Variants in RARS1 observed in about 807,000 individuals in gnomAD.
The protein encoded by RARS1 is arginine--tRNA ligase, cytoplasmic.
Under a neutral mutation model 78.7 loss-of-function variants are expected in RARS1, and 75 were observed. That is an observed-to-expected ratio of 0.95 (90% CI 0.79 to 1.15). The LOEUF (loss-of-function observed/expected upper bound fraction) is 1.15, where lower values mean the gene tolerates loss of function less well. RARS1 is among the 50% of genes most tolerant of loss of function. RARS1 has a pLI of 0.00. For synonymous variants in RARS1, 273 were observed against 268.2 expected (o/e 1.02, Z -0.18); for missense variants, 787 against 787.5 (o/e 1.00, Z 0.01).
At position 168,495,332 on chromosome 5, in the gene RARS1, C is replaced by T. The variant is rs751817243; in HGVS notation, c.597C>T (p.Ser199=). The T allele has an allele frequency of 2.5e-6, 4 of 1,613,646 alleles. No individual in the cohort carries two copies. The highest frequency in any genetic ancestry group is 2.7e-5 in the African/African-American group (2 of 74,914). Residue 199 remains serine, a synonymous_variant, in exon 6 of 15, where the codon TCC becomes TCT. Transcript: ENST00000231572. ...TACCCCAGGTTATAGTTGACTTTTCCTCCCCTAATATAGCTAAAGAGATGC... is the reference window on the plus strand; with the variant it reads ...TACCCCAGGTTATAGTTGACTTTTCTTCCCCTAATATAGCTAAAGAGATGC... ...GENKKVIVDF[S]SPNIAKEMHV...
Position 168,511,195 on chromosome 5 carries a change from A to ATT in RARS1, c.1452+526_1452+527dup, listed in dbSNP as rs112853562. On this transcript the variant is annotated intron_variant, in intron 12 of 14. Transcript: ENST00000231572. Reference sequence around the variant, plus strand: ...AGGAATTGAAAAGTCAACAAGAAAAATTTTTTTTTTTTTTTTTTAAGTTTA... The same window carrying ATT: ...AGGAATTGAAAAGTCAACAAGAAAAATTTTTTTTTTTTTTTTTTTTAAGTTTA... Among the ~76,000 whole-genome samples the ATT allele has an allele frequency of 7.5e-4, 108 of 144,062 alleles. 1 individual carries two copies. Among genetic ancestry groups the ATT allele is most frequent in the African/African-American group, 1.5e-3 (60 of 38,976 alleles). The allele number at this position is 144,062 out of a possible 152,430, so 94.5% of individuals were successfully genotyped here. A position where few individuals can be genotyped will look rare whatever the true frequency, so the allele number is the denominator to read the frequency against.
At chr5:168,509,037 T>C (rs774611110) in intron 11 of RARS1, among the ~76,000 whole-genome samples, 54 of 152,072 alleles carry the variant, frequency 3.6e-4, no homozygotes, top group Middle Eastern at 3.2e-3. Flanking sequence ...GCATCCCTCA[T>C]TGTAGAGCCA....
chr5:168,494,984 G>C, intron 5 of RARS1: 1 of 329,044 alleles, frequency 3.0e-6, no homozygotes, highest in South Asian at 5.6e-5. Flanking sequence ...CTTTCCCCTG[G>C]GTCTAGCATG....
At chr5:168,514,870 G>A (rs1758632079) in intron 12 of RARS1, among the ~76,000 whole-genome samples, 1 of 152,144 alleles carries the variant, frequency 6.6e-6, no homozygotes, top group South Asian at 2.1e-4. Flanking sequence ...CAACACTTCT[G>A]AAGTCTGCTG....
intron 11 of RARS1, 121 bp from the exon 12 acceptor site, chr5:168,510,460 C>T (rs1731224889): frequency 1.4e-6 from 1 of 728,532 alleles, no homozygotes; most frequent in Non-Finnish European, 2.4e-6. Flanking sequence ...GCAATATGTA[C>T]CTTAGAGATT....
intron 9 of RARS1, among the ~76,000 whole-genome samples, chr5:168,504,861 C>T (rs1469783371): frequency 1.3e-5 from 2 of 152,016 alleles, no homozygotes; most frequent in African/African-American, 4.8e-5. Context: ...ATCGTGCATG[C>T]CTGTGGTGAC....
In RARS1 at chr5:168,502,062, T is replaced by C. The variant is rs1758337603; in HGVS notation, c.1014T>C (p.Tyr338=). The C allele has an allele frequency of 2.5e-6, 4 of 1,605,372 alleles. No homozygotes were observed. The highest frequency in any genetic ancestry group is 3.4e-6 in the Non-Finnish European group (4 of 1,176,020). Residue 338 remains tyrosine, a synonymous_variant, in exon 9 of 15, where the codon TAT becomes TAC. Transcript: ENST00000231572. ...TAATAGAGAGAGGGGAATCCTTCTA[T>C]CAAGATAGGATGAATGATATTGTAA... ...VSLIERGESF[Y]QDRMNDIVKE...
chr5:168,507,178 T>C lies in RARS1; in HGVS notation c.1346+347T>C, dbSNP rs73316518. ...ATATAGCTTATGCATTTGATAAATGTTTTTGTTTTTTCCTTCAAAGTTGAA... is the reference window on the plus strand; with the variant it reads ...ATATAGCTTATGCATTTGATAAATGCTTTTGTTTTTTCCTTCAAAGTTGAA... On this transcript the variant is annotated intron_variant, in intron 11 of 14. Transcript: ENST00000231572. 8.8e-3 allele frequency among the ~76,000 whole-genome samples: 1,337 copies of C among 152,288 alleles called. 11 individuals are homozygous for C. The highest frequency in any genetic ancestry group is 0.029 in the African/African-American group (1,196 of 41,562).
At position 168,517,915 on chromosome 5, in the gene RARS1, C is replaced by T. The variant is rs147793623; in HGVS notation, c.1726C>T (p.Arg576Trp). 2.7e-5 allele frequency: 43 copies of T among 1,613,414 alleles called. No homozygotes were observed. The highest frequency in any genetic ancestry group is 1.2e-4 in the Admixed American group (7 of 59,918). Residue 576 changes from arginine (R) to tryptophan (W), a missense_variant, in exon 14 of 15, where the codon CGG becomes TGG. Coordinates refer to ENST00000231572, the MANE Select transcript of RARS1 (RefSeq NM_002887.4). ...TCATGAGAAGGAATGGAAACTAGGC[C>T]GGTGCATTTTACGGTTCCCTGAGAT... Reference protein sequence around the residue: ...LDHEKEWKLGRCILRFPEILQ... With the variant: ...LDHEKEWKLGWCILRFPEILQ...
At chr5:168,500,291 G>A (rs981138711) in intron 7 of RARS1, among the ~76,000 whole-genome samples, 2 of 150,886 alleles carry the variant, frequency 1.3e-5, no homozygotes, top group African/African-American at 4.9e-5. Context: ...AGTCCTACCT[G>A]TTAGCTATTC....
At position 168,502,384 on chromosome 5, in the gene RARS1, A is replaced by ATT. The variant is rs759302320; in HGVS notation, c.1057+290_1057+291dup. 5.2e-3 allele frequency among the ~76,000 whole-genome samples: 662 copies of ATT among 127,224 alleles called. 3 individuals are homozygous for ATT. The highest frequency in any genetic ancestry group is 0.016 in the East Asian group (72 of 4,624). The allele number at this position is 127,224 out of a possible 152,430, so 83.5% of individuals were successfully genotyped here. A position where few individuals can be genotyped will look rare whatever the true frequency, so the allele number is the denominator to read the frequency against. ...CAAATATATATATATATATATATAT[A>ATT]TTTTTTTTTTTTAAAACAATCTTGC... On this transcript the variant is annotated intron_variant, in intron 9 of 14. Transcript: ENST00000231572.
Position 168,494,000 on chromosome 5 carries a change from C to T in RARS1, c.476C>T (p.Pro159Leu). 1 of 1,594,610 alleles carries T rather than the reference C, an allele frequency of 6.3e-7. No individual in the cohort carries two copies. Among genetic ancestry groups the T allele is most frequent in the South Asian group, 1.1e-5 (1 of 90,542 alleles). Reference sequence around the variant, plus strand: ...ATTGAAAAAGTTGAAATTGCTGGTCCTGGTATGACATAATGTTATCCTTCT... The same window carrying T: ...ATTGAAAAAGTTGAAATTGCTGGTCTTGGTATGACATAATGTTATCCTTCT... ...ECIEKVEIAG[P>L]GFINVHLRKD... The change falls in exon 4 of 15, where the codon CCT becomes CTT. Residue 159 changes from proline to leucine, a missense_variant and splice_region_variant. Physicochemically the swap from Pro to Leu is moderately conservative, Grantham distance 98. Coordinates refer to ENST00000231572, the MANE Select transcript of RARS1 (RefSeq NM_002887.4).
At position 168,518,069 on chromosome 5, in the gene RARS1, G is replaced by GTA; in HGVS notation, c.1873+8_1873+9insAT. 1 of 675,704 alleles carries GTA rather than the reference G, an allele frequency of 1.5e-6. No homozygotes were observed. The highest frequency in any genetic ancestry group is 1.9e-6 in the Non-Finnish European group (1 of 533,966). The allele number at this position is 675,704 out of a possible 1,614,324, so 41.9% of individuals were successfully genotyped here. On this transcript the variant is annotated splice_region_variant and intron_variant, in intron 14 of 14. Coordinates refer to ENST00000231572, the MANE Select transcript of RARS1 (RefSeq NM_002887.4). ...GAGAAAGATAGACAGACTGGTGAGTGTCTTTTTTTTTTTTTTTTTTTTTTT... is the reference window on the plus strand; with the variant it reads ...GAGAAAGATAGACAGACTGGTGAGTGTATCTTTTTTTTTTTTTTTTTTTTTTT...
chr5:168,494,706 G>A (rs1006684281), intron 5 of RARS1, 56 bp downstream of exon 5: 24 of 1,239,426 alleles, frequency 1.9e-5, no homozygotes, highest in Non-Finnish European at 1.2e-6. Flanking sequence ...GTGGAACCAA[G>A]CATGGTGGTA....
At chr5:168,508,313 C>CT (rs1368755034) in intron 11 of RARS1, among the ~76,000 whole-genome samples, 127 of 143,816 alleles carry the variant, frequency 8.8e-4, no homozygotes, top group Admixed American at 1.3e-3. Context: ...TCCCACCCGC[C>CT]TTTTTTTTTT....
chr5:168,505,907 T>C (rs1758435483), intron 9 of RARS1, 114 bp from the exon 10 acceptor site: 2 of 931,676 alleles, frequency 2.1e-6, no homozygotes, highest in Admixed American at 5.8e-5. Context: ...CTCTAATAAA[T>C]ATATTTCAAA....
Position 168,502,243 on chromosome 5 carries a change from T to C in RARS1, c.1057+138T>C, listed in dbSNP as rs1758341849. The C allele has an allele frequency of 4.2e-5, 52 of 1,241,660 alleles. 2 individuals are homozygous for C. The South Asian group carries it at 1.1e-3, about 27-fold the overall frequency. The allele number at this position is 1,241,660 out of a possible 1,614,324, so 76.9% of individuals were successfully genotyped here. A position where few individuals can be genotyped will look rare whatever the true frequency, so the allele number is the denominator to read the frequency against. On this transcript the variant is annotated intron_variant, in intron 9 of 14. Coordinates refer to ENST00000231572, the MANE Select transcript of RARS1 (RefSeq NM_002887.4). ...ATGGGTACTGACCAACCTTATTGTA[T>C]CTATACCTTCTTACACTGCTTCCCT... is the stretch of plus-strand genomic sequence containing the variant.
chr5:168,494,090 G>A lies in RARS1; in HGVS notation c.478+88G>A, dbSNP rs1227179600. The A allele has an allele frequency of 3.0e-6, 4 of 1,344,052 alleles. No homozygotes were observed. The East Asian group carries it at 9.7e-5, about 33-fold the overall frequency. 83.3% of individuals were successfully genotyped at this position (1,344,052 alleles called of 1,614,324 possible). ...AAAGAACACACATTTTAATTACAGGGTTAAACTTTGTATACTGAACAAGAT... is the reference window on the plus strand; with the variant it reads ...AAAGAACACACATTTTAATTACAGGATTAAACTTTGTATACTGAACAAGAT... On this transcript the variant is annotated intron_variant, in intron 4 of 14. Transcript: ENST00000231572.
intron 4 of RARS1, 192 bp from the exon 5 acceptor site, chr5:168,494,358 A>G (rs918517594): frequency 3.0e-6 from 3 of 985,322 alleles, no homozygotes; most frequent in Admixed American, 1.2e-4. Flanking sequence ...GGAAGGTTTC[A>G]GGAGAGTGGT....
Sources: gnomAD v4.1 joint callset for allele counts (sites outside exome capture counted in the v4.1 genomes callset) on GRCh38, gnomAD v4.1.1 for gene constraint, MANE v1.5 for transcripts, NCBI Gene and HGNC (gene_info 2026-07-23, HGNC 2026-07-21) for gene names.